Variants in TRPM2 observed in about 807,000 individuals in gnomAD.
The protein encoded by TRPM2 is transient receptor potential cation channel subfamily M member 2.
TRPM2 carries 161 observed loss-of-function variants against 174.0 expected under a neutral mutation model. That is an observed-to-expected ratio of 0.93 (90% CI 0.81 to 1.05). The LOEUF (loss-of-function observed/expected upper bound fraction) is 1.05. Among genes scored for constraint, TRPM2 ranks in the 50% least tolerant of loss-of-function variants. The pLI, the probability that TRPM2 is intolerant of heterozygous loss-of-function variation, is 0.00. For missense variants in TRPM2, 2,057 were observed against 2,038.0 expected (o/e 1.01, Z -0.18); for synonymous variants, 954 against 861.3 (o/e 1.11, Z -1.88).
chr21:44,370,003 A>G (rs1200373137), intron 5 of TRPM2, among the ~76,000 whole-genome samples: 1,857 of 83,102 alleles, frequency 0.022, 44 homozygotes, highest in African/African-American at 0.066. Flanking sequence ...GGGTGCTGTG[A>G]GGAGCAGGTG....
In TRPM2 at chr21:44,438,068, G is replaced by T. The variant is rs574444750; in HGVS notation, c.4167+901G>T. On this transcript the variant is annotated intron_variant, in intron 29 of 31. Transcript: ENST00000397928. The surrounding 1 kb of genome is among the most constrained non-coding windows in gnomAD (Gnocchi z 5.9). ...TGTGTGTGCCACCACGGTGTGCAGGGCAGCAGTGCCACAAGGGCCTCTGGG... is the reference window on the plus strand; with the variant it reads ...TGTGTGTGCCACCACGGTGTGCAGGTCAGCAGTGCCACAAGGGCCTCTGGG... Among the ~76,000 whole-genome samples, 11 of 152,376 alleles carry T rather than the reference G, an allele frequency of 7.2e-5. No homozygotes were observed. In the South Asian group the frequency reaches 2.3e-3, roughly 32 times the overall value.
In TRPM2 at chr21:44,433,671, G is replaced by T. The variant is rs190902073; in HGVS notation, c.3975-1460G>T. Among the ~76,000 whole-genome samples, 728 of 152,342 alleles carry T rather than the reference G, an allele frequency of 4.8e-3. 5 individuals carry two copies. Among genetic ancestry groups the T allele is most frequent in the African/African-American group, 0.016 (663 of 41,582 alleles). On this transcript the variant is annotated intron_variant, in intron 27 of 31. Transcript: ENST00000397928. ...AGCTCTGTAGCTGGGTGGGGCCGGGGCTCTGGTTTCTGAGCAGCTTCTGGG... is the reference window on the plus strand; with the variant it reads ...AGCTCTGTAGCTGGGTGGGGCCGGGTCTCTGGTTTCTGAGCAGCTTCTGGG...
At chr21:44,435,810 C>T in intron 28 of TRPM2, among the ~76,000 whole-genome samples, 2 of 136,982 alleles carry the variant, frequency 1.5e-5, no homozygotes, top group East Asian at 2.4e-4. Flanking sequence ...ACTCACTCTC[C>T]ACACCCATCC....
At chr21:44,353,615 G>A, upstream of TRPM2, 2 of 1,374,182 alleles carry the variant, frequency 1.5e-6, no homozygotes, top group Non-Finnish European at 1.9e-6. Context: ...CACCCCATGT[G>A]TCTCTAGAAC....
chr21:44,390,030 G>A (rs111409001), intron 9 of TRPM2, among the ~76,000 whole-genome samples: 5,666 of 152,034 alleles, frequency 0.037, 312 homozygotes, highest in African/African-American at 0.12. Flanking sequence ...CCACCACCAC[G>A]CCTGGCTAAT....
chr21:44,405,983 C>T lies in TRPM2; in HGVS notation c.2736C>T (p.His912=), dbSNP rs777476066. The change falls in exon 18 of 32, where the codon CAC becomes CAT. Residue 912 remains histidine (H), a synonymous_variant. Coordinates refer to ENST00000397928, the MANE Select transcript of TRPM2 (RefSeq NM_003307.4). ...DFILFCLRLM[H]IFTISKTLGP... ...TCCTGTTCTGCCTCCGGCTCATGCA[C>T]ATTTTTACCATCAGTAAGACGCTGG... 3.7e-6 allele frequency: 6 copies of T among 1,608,830 alleles called. No homozygotes were observed. Among genetic ancestry groups the T allele is most frequent in the South Asian group, 2.2e-5 (2 of 91,092 alleles).
rs1238429032 is a variant in TRPM2 at position 44,391,631 on chromosome 21, T to C, written c.1794+6T>C. On this transcript the variant is annotated splice_donor_region_variant and intron_variant, in intron 11 of 31. Coordinates refer to ENST00000397928, the MANE Select transcript of TRPM2 (RefSeq NM_003307.4). The surrounding 1 kb of genome is among the most constrained non-coding windows in gnomAD (Gnocchi z 5.0). ...TTCCCCACGTCAAGCTCAACGTGCG[T>C]GCTGGTAACGGGGCCCATCCTGGAC... The C allele has an allele frequency of 1.3e-6, 2 of 1,565,428 alleles. No individual in the cohort carries two copies. Among genetic ancestry groups the C allele is most frequent in the Non-Finnish European group, 1.7e-6 (2 of 1,162,422 alleles).
chr21:44,437,267 G>GC, intron 29 of TRPM2, 100 bp downstream of exon 29: 2 of 1,107,822 alleles, frequency 1.8e-6, no homozygotes, highest in South Asian at 2.7e-5. Flanking sequence ...GCCCCCTGCA[G>GC]CCCCCTGCAG....
intron 28 of TRPM2, among the ~76,000 whole-genome samples, chr21:44,435,578 C>T (rs1407313627): frequency 1.3e-5 from 2 of 149,968 alleles, no homozygotes; most frequent in African/African-American, 4.9e-5. Flanking sequence ...CACAGCCCCA[C>T]ACTGACCCCT....
At chr21:44,381,511 G>GGGT (rs1602176094) in intron 8 of TRPM2, among the ~76,000 whole-genome samples, 1 of 51,820 alleles carries the variant, frequency 1.9e-5, no homozygotes, top group South Asian at 1.2e-3. Context: ...GTGGGTGGGT[G>GGGT]GGCCATGTGG....
chr21:44,377,915 C>A, intron 7 of TRPM2, 142 bp downstream of exon 7: 1 of 1,013,686 alleles, frequency 9.9e-7, no homozygotes. Flanking sequence ...GAAAGAGCAT[C>A]TACGCTGTGT....
chr21:44,370,161 C>G (rs1316302417), intron 5 of TRPM2, among the ~76,000 whole-genome samples: 2 of 152,080 alleles, frequency 1.3e-5, no homozygotes, highest in Non-Finnish European at 2.9e-5. Flanking sequence ...GACAGTCACT[C>G]GCTGCGAGGG....
chr21:44,422,452 A>C, intron 22 of TRPM2: 1 of 1,533,686 alleles, frequency 6.5e-7, no homozygotes, highest in Non-Finnish European at 8.7e-7. Context: ...GGATTAAGCA[A>C]AATGAAATGT....
At chr21:44,409,831 A>G (rs1239983387) in intron 19 of TRPM2, among the ~76,000 whole-genome samples, 31 of 103,380 alleles carry the variant, frequency 3.0e-4, no homozygotes, top group Middle Eastern at 7.5e-3. Flanking sequence ...TGTCTTGGTG[A>G]GCGTAGCCTT....
intron 11 of TRPM2, among the ~76,000 whole-genome samples, chr21:44,392,429 T>G (rs1287529395): frequency 1.3e-5 from 2 of 151,880 alleles, no homozygotes; most frequent in Non-Finnish European, 2.9e-5. Flanking sequence ...AGCTTTTTTT[T>G]TTTTTTTATA....
intron 21 of TRPM2, 120 bp downstream of exon 21, chr21:44,418,228 GCTGCTGGCCTT>G: frequency 3.5e-6 from 5 of 1,416,274 alleles, no homozygotes; most frequent in Non-Finnish European, 4.7e-6. Flanking sequence ...GGTCACTCAG[GCTGCTGGCCTT>G]CTGCTGGCCT....
chr21:44,406,181 A>G, intron 18 of TRPM2, 144 bp downstream of exon 18: 3 of 1,078,300 alleles, frequency 2.8e-6, no homozygotes, highest in Non-Finnish European at 4.0e-6. Context: ...TGGGCTCCCA[A>G]GAATGCCCTT....
upstream of TRPM2, among the ~76,000 whole-genome samples, chr21:44,351,218 A>G (rs1344825287): frequency 6.6e-6 from 1 of 152,162 alleles, no homozygotes; most frequent in Admixed American, 6.5e-5. Flanking sequence ...TCGCGTGCCA[A>G]CGAGTCTTCT....
intron 9 of TRPM2, among the ~76,000 whole-genome samples, chr21:44,388,157 T>C (rs1220223935): frequency 1.3e-5 from 2 of 152,196 alleles, no homozygotes; most frequent in Non-Finnish European, 2.9e-5. Context: ...GCAGCCCAAG[T>C]GTCCATTGAC....
Sources: gnomAD v4.1 joint callset for allele counts (sites outside exome capture counted in the v4.1 genomes callset) on GRCh38, gnomAD v4.1.1 for gene constraint, Gnocchi (gnomAD v3.1) non-coding constraint, MANE v1.5 for transcripts, NCBI Gene and HGNC (gene_info 2026-07-23, HGNC 2026-07-21) for gene names.